The following TRIB2 variants were observed in gnomAD, a reference collection of about 807,000 sequenced individuals.
TRIB2 encodes the protein tribbles pseudokinase 2, also known as tribbles homolog 2.
TRIB2 carries 2 observed loss-of-function variants against 26.8 expected under a neutral mutation model. The observed-to-expected ratio is 0.07, with a 90% confidence interval of 0.03 to 0.24. The LOEUF (loss-of-function observed/expected upper bound fraction) is 0.24, where lower values mean the gene tolerates loss of function less well. TRIB2 is among the 10% of genes least tolerant of loss of function. TRIB2 has a pLI of 1.00. For synonymous variants in TRIB2, 189 were observed against 187.3 expected, an observed-to-expected ratio of 1.01 and a Z score of -0.08; for missense variants, 306 against 449.0, an observed-to-expected ratio of 0.68 and a Z score of 2.88.
At position 12,740,651 on chromosome 2, in the gene TRIB2, C is replaced by T; in HGVS notation, c.889C>T (p.Leu297=). 6.2e-7 allele frequency: 1 copy of T among 1,614,218 alleles called. No homozygotes were observed. The highest frequency in any genetic ancestry group is 1.6e-4 in the Middle Eastern group (1 of 6,062). ...TCTGCGTCGGGAGCCCTCAGAGCGG[C>T]TGACCTCGCAGGAAATTCTGGACCA... ...SILRREPSER[L]TSQEILDHPW... Residue 297 remains leucine, a synonymous_variant, in exon 3 of 3, where the codon CTG becomes TTG. Coordinates refer to ENST00000155926, the MANE Select transcript of TRIB2 (RefSeq NM_021643.4). This position sits in a 1 kb window ranked among gnomAD's most constrained non-coding sequence, Gnocchi z 5.8.
rs767765105 is a variant in TRIB2 at position 12,741,955 on chromosome 2, C to T, written c.*1161C>T. ...AAACAGCTCTCTATCCCAATACGCA[C>T]CTTTGTATTTTCAAGAACTCTTCTA... On this transcript the variant is annotated 3_prime_UTR_variant, in exon 3 of 3. Transcript: ENST00000155926. The T allele has an allele frequency of 1.4e-4, 22 of 152,600 alleles. No homozygotes were observed. Among genetic ancestry groups the T allele is most frequent in the Non-Finnish European group, 2.8e-4 (19 of 68,036 alleles). 9.5% of individuals were successfully genotyped at this position (152,600 alleles called of 1,614,324 possible).
chr2:12,741,628 G>T lies in TRIB2; in HGVS notation c.*834G>T, dbSNP rs961912948. On this transcript the variant is annotated 3_prime_UTR_variant, in exon 3 of 3. Transcript: ENST00000155926. The stretch of plus-strand genomic sequence containing the variant: ...TCATGTTTTGCTTTTGAACAATGAG[G>T]GTTTGTGTGACAGGCATTCCTCTTT... The T allele has an allele frequency of 6.6e-6, 1 of 152,338 alleles. No individual in the cohort carries two copies. Among genetic ancestry groups the T allele is most frequent in the African/African-American group, 2.4e-5 (1 of 41,464 alleles). The allele number at this position is 152,338 out of a possible 1,614,324, so 9.4% of individuals were successfully genotyped here.
Position 12,718,241 on chromosome 2 carries a change from C to A in TRIB2, c.-67C>A. On this transcript the variant is annotated 5_prime_UTR_variant, in exon 1 of 3. Transcript: ENST00000155926. This position sits in a 1 kb window ranked among gnomAD's most constrained non-coding sequence, Gnocchi z 4.0. ...TCAGTGGCACCGAGGCGCCTGCAGC[C>A]GCACTCGCCAGCGACTCATCTCTCC... 1.3e-6 allele frequency: 2 copies of A among 1,557,788 alleles called. No individual in the cohort carries two copies. Among genetic ancestry groups the A allele is most frequent in the Non-Finnish European group, 1.7e-6 (2 of 1,151,274 alleles).
Position 12,718,128 on chromosome 2 carries a change from G to C in TRIB2, c.-180G>C, listed in dbSNP as rs1666640080. The C allele has an allele frequency of 1.2e-6, 1 of 838,598 alleles. No individual in the cohort carries two copies. Among genetic ancestry groups the C allele is most frequent in the Admixed American group, 3.0e-5 (1 of 33,578 alleles). The allele number at this position is 838,598 out of a possible 1,614,324, so 51.9% of individuals were successfully genotyped here. A position where few individuals can be genotyped will look rare whatever the true frequency, so the allele number is the denominator to read the frequency against. On this transcript the variant is annotated 5_prime_UTR_variant, in exon 1 of 3. Coordinates refer to ENST00000155926, the MANE Select transcript of TRIB2 (RefSeq NM_021643.4). This position sits in a 1 kb window ranked among gnomAD's most constrained non-coding sequence, Gnocchi z 4.0. ...CGGGAGCCGGGCTCGGAGCAGACGA[G>C]GTATCCGGCGGCGCCCATTTGGGGG...
At position 12,739,270 on chromosome 2, in the gene TRIB2, T is replaced by C. The variant is rs955050594; in HGVS notation, c.564-1056T>C. On this transcript the variant is annotated intron_variant, in intron 2 of 2. Coordinates refer to ENST00000155926, the MANE Select transcript of TRIB2 (RefSeq NM_021643.4). Reference sequence around the variant, plus strand: ...TGGGGAAAGAAGATGGTTTTGTTTTTCTTTTTTGAGACAGAGTCTCACTCT... The same window carrying C: ...TGGGGAAAGAAGATGGTTTTGTTTTCCTTTTTTGAGACAGAGTCTCACTCT... Among the ~76,000 whole-genome samples, 4 of 152,104 alleles carry C rather than the reference T, an allele frequency of 2.6e-5. No individual in the cohort carries two copies. In the South Asian group the frequency reaches 8.3e-4, roughly 32 times the overall value.
intron 2 of TRIB2, among the ~76,000 whole-genome samples, chr2:12,731,678 C>A (rs965189108): frequency 6.6e-6 from 1 of 152,222 alleles, no homozygotes; most frequent in Non-Finnish European, 1.5e-5. Context: ...TGATCTCATT[C>A]ATTACGTGCC....
intron 2 of TRIB2, chr2:12,724,932 C>G: frequency 7.0e-7 from 1 of 1,437,810 alleles, no homozygotes; most frequent in Non-Finnish European, 9.2e-7. Context: ...ATAACTGCAC[C>G]TACAAAAATA....
chr2:12,739,042 G>A (rs373979024), intron 2 of TRIB2, among the ~76,000 whole-genome samples: 1 of 152,124 alleles, frequency 6.6e-6, no homozygotes, highest in East Asian at 1.9e-4. Context: ...AAAGACTGGG[G>A]GTAGGATGCC....
chr2:12,734,150 C>T (rs1313358746), intron 2 of TRIB2, among the ~76,000 whole-genome samples: 2 of 152,248 alleles, frequency 1.3e-5, no homozygotes, highest in African/African-American at 4.8e-5. Context: ...CTTCTCTGGC[C>T]AAACCAATCC....
rs1192036112 is a variant in TRIB2, at chr2:12,718,284, T to C, written c.-24T>C. ...ATCTCTCCAGCGGGTTTTTTTTTGT[T>C]TGTCGTGTGCGATCCTCACACTCAT... On this transcript the variant is annotated 5_prime_UTR_variant, in exon 1 of 3. Transcript: ENST00000155926. The surrounding 1 kb of genome is among the most constrained non-coding windows in gnomAD (Gnocchi z 4.0). The C allele has an allele frequency of 6.3e-7, 1 of 1,592,092 alleles. No individual in the cohort carries two copies. The highest frequency in any genetic ancestry group is 1.1e-5 in the South Asian group (1 of 88,594).
intron 2 of TRIB2, among the ~76,000 whole-genome samples, chr2:12,726,413 A>G (rs1045602013): frequency 1.3e-5 from 2 of 152,200 alleles, no homozygotes; most frequent in African/African-American, 4.8e-5. Context: ...GGTGGCCTAC[A>G]TGGAGCACAT....
At chr2:12,721,270 C>T (rs762560836) in intron 1 of TRIB2, among the ~76,000 whole-genome samples, 21 of 152,154 alleles carry the variant, frequency 1.4e-4, no homozygotes, top group Non-Finnish European at 2.8e-4. Flanking sequence ...ATTCTGTCTC[C>T]AGTTTTTCAG....
chr2:12,719,067 C>T (rs369449380), intron 1 of TRIB2, among the ~76,000 whole-genome samples: 1 of 152,162 alleles, frequency 6.6e-6, no homozygotes, highest in Non-Finnish European at 1.5e-5. Context: ...CAAAGGTGCC[C>T]CCTTCGGCTG....
rs1666636593 is a variant in TRIB2 at position 12,718,018 on chromosome 2, G to A, written c.-290G>A. On this transcript the variant is annotated 5_prime_UTR_variant, in exon 1 of 3. Transcript: ENST00000155926. The surrounding 1 kb of genome is among the most constrained non-coding windows in gnomAD (Gnocchi z 4.0). ...TCCACGCCGGGGACACACACACAGA[G>A]TAACTAAAAGTGCGGCGATTCTGCA... 9.0e-6 allele frequency: 4 copies of A among 446,584 alleles called. No individual in the cohort carries two copies. The highest frequency in any genetic ancestry group is 1.2e-5 in the Non-Finnish European group (3 of 249,510). 27.7% of individuals were successfully genotyped at this position (446,584 alleles called of 1,614,324 possible).
chr2:12,719,783 G>T (rs148861785), intron 1 of TRIB2, among the ~76,000 whole-genome samples: 1 of 150,346 alleles, frequency 6.7e-6, no homozygotes, highest in Admixed American at 6.6e-5. Flanking sequence ...TCAGTTTTGC[G>T]ATTGTTCAGT....
In TRIB2 at chr2:12,722,514, C is replaced by T. The variant is rs533109738; in HGVS notation, c.271-746C>T. ...TCAAAAGGTATTGATGGTGCCTTTT[C>T]TTTTTAAGCAACCGCACAATGAGTT... On this transcript the variant is annotated intron_variant, in intron 1 of 2. Transcript: ENST00000155926. Among the ~76,000 whole-genome samples the T allele has an allele frequency of 2.0e-5, 3 of 152,298 alleles. No homozygotes were observed. The South Asian group carries it at 6.2e-4, about 32-fold the overall frequency.
At chr2:12,736,217 G>A (rs1242827239) in intron 2 of TRIB2, among the ~76,000 whole-genome samples, 2 of 152,172 alleles carry the variant, frequency 1.3e-5, no homozygotes, top group Non-Finnish European at 2.9e-5. Context: ...AAAGTGAGCT[G>A]ACACAGTCGG....
In TRIB2 at chr2:12,740,004, CTT is replaced by C. The variant is rs1661678624; in HGVS notation, c.564-321_564-320del. Among the ~76,000 whole-genome samples, 1 of 152,152 alleles carries C rather than the reference CTT, an allele frequency of 6.6e-6. No individual in the cohort carries two copies. The highest frequency in any genetic ancestry group is 1.5e-5 in the Non-Finnish European group (1 of 68,022). ...TGACTTTGAGAAAGCTAGTTAATCT[CTT>C]GTTCCCTCATCGCAGGGGTGATGAT... On this transcript the variant is annotated intron_variant, in intron 2 of 2. Coordinates refer to ENST00000155926, the MANE Select transcript of TRIB2 (RefSeq NM_021643.4). This position sits in a 1 kb window ranked among gnomAD's most constrained non-coding sequence, Gnocchi z 5.8.
At chr2:12,736,910 T>G (rs1661589834) in intron 2 of TRIB2, among the ~76,000 whole-genome samples, 1 of 152,096 alleles carries the variant, frequency 6.6e-6, no homozygotes, top group Admixed American at 6.5e-5. Context: ...AGGATCAAGT[T>G]TAATAACCTT....
Sources: gnomAD v4.1 joint callset for allele counts (sites outside exome capture counted in the v4.1 genomes callset) on GRCh38, gnomAD v4.1.1 for gene constraint, Gnocchi (gnomAD v3.1) non-coding constraint, MANE v1.5 for transcripts, NCBI Gene and HGNC (gene_info 2026-07-23, HGNC 2026-07-21) for gene names.